Variants in ZNF267 observed in about 807,000 individuals in gnomAD.
ZNF267 encodes zinc finger (C2H2).
Under a neutral mutation model 71.6 loss-of-function variants are expected in ZNF267, and 61 were observed. The ratio of observed to expected loss-of-function variants is 0.85; its 90% CI spans 0.69 to 1.05. ZNF267 has a LOEUF of 1.05. Among genes scored for constraint, ZNF267 ranks in the 50% least tolerant of loss-of-function variants. The pLI is 0.00. For synonymous variants in ZNF267, 288 were observed against 293.2 expected (o/e 0.98, Z 0.18); for missense variants, 852 against 870.0 (o/e 0.98, Z 0.26).
intron 3 of ZNF267, among the ~76,000 whole-genome samples, chr16:31,900,896 C>T (rs2142350234): frequency 6.6e-6 from 1 of 151,668 alleles, no homozygotes; most frequent in East Asian, 1.9e-4. Context: ...GTGTGCTGCA[C>T]CCATTAACTC....
rs1469874346 is a variant in ZNF267, at chr16:31,915,741, G to A, written c.1492G>A (p.Gly498Ser). 4 of 1,613,268 alleles carry A rather than the reference G, an allele frequency of 2.5e-6. No homozygotes were observed. Among genetic ancestry groups the A allele is most frequent in the Non-Finnish European group, 3.4e-6 (4 of 1,179,896 alleles). Reference protein sequence around the residue: ...GEKPYKCKECGKVFSRSSCLT... With the variant: ...GEKPYKCKECSKVFSRSSCLT... ...GAAGCCTTATAAATGTAAAGAATGT[G>A]GCAAAGTCTTTAGCCGTAGTTCTTG... The change falls in exon 4 of 4, where the codon GGC (glycine) becomes AGC (serine). Residue 498 changes from glycine to serine, a missense_variant. Transcript: ENST00000300870.
chr16:31,894,464 TC>T, intron 3 of ZNF267: 3 of 452,958 alleles, frequency 6.6e-6, no homozygotes, highest in Admixed American at 2.7e-5. Flanking sequence ...GTTTTTTTTT[TC>T]TGACTATTCT....
At chr16:31,896,388 A>T (rs1446781324) in intron 3 of ZNF267, among the ~76,000 whole-genome samples, 1 of 152,202 alleles carries the variant, frequency 6.6e-6, no homozygotes, top group South Asian at 2.1e-4. Flanking sequence ...CAAATGCCCT[A>T]TGCAAACTAT....
At chr16:31,902,740 A>G (rs2084052204) in intron 3 of ZNF267, among the ~76,000 whole-genome samples, 1 of 152,238 alleles carries the variant, frequency 6.6e-6, no homozygotes, top group Non-Finnish European at 1.5e-5. Context: ...ATCTGCAAAC[A>G]GGGATAACTT....
intron 1 of ZNF267, among the ~76,000 whole-genome samples, chr16:31,878,934 G>T (rs751220744): frequency 5.3e-5 from 8 of 152,028 alleles, no homozygotes; most frequent in South Asian, 2.1e-4. Flanking sequence ...AATAAGGAAA[G>T]AAATTTTTCT....
intron 3 of ZNF267, among the ~76,000 whole-genome samples, chr16:31,889,721 A>C (rs1050015593): frequency 6.6e-6 from 1 of 152,202 alleles, no homozygotes; most frequent in Non-Finnish European, 1.5e-5. Flanking sequence ...CAGGAGCACC[A>C]GACTAAGTTG....
Position 31,915,451 on chromosome 16 carries a change from T to C in ZNF267, c.1202T>C (p.Ile401Thr). 4 of 1,613,916 alleles carry C rather than the reference T, an allele frequency of 2.5e-6. No individual in the cohort carries two copies. Among genetic ancestry groups the C allele is most frequent in the Non-Finnish European group, 3.4e-6 (4 of 1,179,932 alleles). ...RSSNLIVHQR[I>T]HTGEKPYKCK... is the part of the protein sequence containing the mutation. ...TCCAATCTTATTGTGCATCAGAGAA[T>C]TCACACTGGAGAGAAACCATACAAA... Residue 401 changes from isoleucine to threonine, a missense_variant, in exon 4 of 4, where the codon ATT (isoleucine) becomes ACT (threonine). Physicochemically the swap from Ile to Thr is moderately conservative, Grantham distance 89. Transcript: ENST00000300870.
intron 3 of ZNF267, among the ~76,000 whole-genome samples, chr16:31,895,842 C>T (rs1223039771): frequency 6.6e-6 from 1 of 152,130 alleles, no homozygotes; most frequent in Admixed American, 6.5e-5. Context: ...ATCTTGAAAT[C>T]TTAAAGCTTC....
chr16:31,906,349 T>C (rs530807429), intron 3 of ZNF267, among the ~76,000 whole-genome samples: 26 of 152,310 alleles, frequency 1.7e-4, no homozygotes, highest in African/African-American at 5.8e-4. Context: ...TGCTGCCTTT[T>C]ATTTGTCTGT....
intron 3 of ZNF267, among the ~76,000 whole-genome samples, chr16:31,895,749 C>G (rs945485000): frequency 1.3e-5 from 2 of 152,024 alleles, no homozygotes; most frequent in African/African-American, 2.4e-5. Context: ...TTTTATGTAC[C>G]TGTTGGCCAT....
chr16:31,897,329 A>G (rs906363987), intron 3 of ZNF267, among the ~76,000 whole-genome samples: 2 of 152,070 alleles, frequency 1.3e-5, no homozygotes, highest in Admixed American at 6.6e-5. Context: ...TTCCCATGCA[A>G]ATTTCTAGTA....
At chr16:31,886,849 A>G (rs1357475220) in intron 3 of ZNF267, among the ~76,000 whole-genome samples, 1 of 152,190 alleles carries the variant, frequency 6.6e-6, no homozygotes, top group Non-Finnish European at 1.5e-5. Context: ...TATCTTTGAC[A>G]TATGATTTTA....
intron 3 of ZNF267, among the ~76,000 whole-genome samples, chr16:31,906,264 T>C (rs967664284): frequency 6.6e-6 from 1 of 152,216 alleles, no homozygotes; most frequent in African/African-American, 2.4e-5. Context: ...TTCTCAGATC[T>C]CAAGCTGTGT....
In ZNF267 at chr16:31,894,655, T is replaced by G. The variant is rs1225778467; in HGVS notation, c.226+9399T>G. On this transcript the variant is annotated intron_variant, in intron 3 of 3. Transcript: ENST00000300870. ...TTCGCTGGACATGCCTGCTGGAGAC[T>G]GCACTTGTTTCTTCATCACTGTCAT... is the stretch of plus-strand genomic sequence containing the variant. 3 of 482,770 alleles carry G rather than the reference T, an allele frequency of 6.2e-6. No homozygotes were observed. In the East Asian group the frequency reaches 1.7e-4, roughly 27 times the overall value. 29.9% of individuals were successfully genotyped at this position (482,770 alleles called of 1,614,324 possible). A position where few individuals can be genotyped will look rare whatever the true frequency, so the allele number is the denominator to read the frequency against.
chr16:31,914,420 A>C, intron 3 of ZNF267, 56 bp from the exon 4 acceptor site: 2 of 1,419,252 alleles, frequency 1.4e-6, no homozygotes, highest in Non-Finnish European at 1.9e-6. Context: ...TAGATTTGTA[A>C]AATATATGTA....
At chr16:31,894,643 C>A in intron 3 of ZNF267, 6 of 485,352 alleles carry the variant, frequency 1.2e-5, no homozygotes, top group Non-Finnish European at 2.5e-5. Context: ...GCTGGACATG[C>A]CTGCTGGAGA....
intron 3 of ZNF267, among the ~76,000 whole-genome samples, chr16:31,901,265 G>T (rs1321036898): frequency 6.6e-6 from 1 of 152,052 alleles, no homozygotes; most frequent in Non-Finnish European, 1.5e-5. Flanking sequence ...AAACATACAT[G>T]TGCATGTGTC....
intron 3 of ZNF267, chr16:31,894,765 T>C (rs530801628): frequency 2.8e-5 from 14 of 497,360 alleles, no homozygotes; most frequent in South Asian, 2.2e-4. Context: ...CTTTCATTTT[T>C]CAGCAGTTTC....
chr16:31,895,055 G>T, intron 3 of ZNF267: 1 of 247,952 alleles, frequency 4.0e-6, no homozygotes, highest in South Asian at 4.9e-5. Flanking sequence ...TCCTCCCAGG[G>T]GGCCTTCTGC....
Sources: gnomAD v4.1 joint callset for allele counts (sites outside exome capture counted in the v4.1 genomes callset) on GRCh38, gnomAD v4.1.1 for gene constraint, MANE v1.5 for transcripts, NCBI Gene and HGNC (gene_info 2026-07-23, HGNC 2026-07-21) for gene names.